The following ANXA8 variants were observed in gnomAD, a reference collection of about 807,000 sequenced individuals.
The protein encoded by ANXA8 is VAC-beta.
In ANXA8, 9 loss-of-function variants were observed where a neutral mutation model predicts 26.8. The ratio of observed to expected loss-of-function variants is 0.34; its 90% CI spans 0.20 to 0.59. ANXA8 has a LOEUF of 0.59. Ranked by LOEUF, ANXA8 falls within the 20% of genes least tolerant of loss-of-function variation. ANXA8 has a pLI of 0.84. For missense variants in ANXA8, 83 were observed against 238.5 expected (o/e 0.35, Z 4.29); for synonymous variants, 39 against 94.8 (o/e 0.41, Z 3.42).
the ANXA8 span, among the ~76,000 whole-genome samples, chr10:47,672,998 A>G: frequency 1.3e-5 from 2 of 150,378 alleles, no homozygotes; most frequent in Admixed American, 6.6e-5. Context: ...TTGCTCTAGG[A>G]TGGAACAACG....
chr10:47,980,375 G>A, the ANXA8 span, among the ~76,000 whole-genome samples: 14 of 151,202 alleles, frequency 9.3e-5, no homozygotes, highest in South Asian at 4.2e-4. Flanking sequence ...AAAAGGAAGC[G>A]CAAACTAAGC....
the ANXA8 span, among the ~76,000 whole-genome samples, chr10:47,968,443 T>C: frequency 7.1e-6 from 1 of 140,266 alleles, no homozygotes; most frequent in African/African-American, 2.5e-5. Flanking sequence ...ACCTCCAAAA[T>C]TGCTTCCATC....
At chr10:47,744,428 G>T in the ANXA8 span, among the ~76,000 whole-genome samples, 1 of 83,332 alleles carries the variant, frequency 1.2e-5, no homozygotes, top group Non-Finnish European at 2.5e-5. Context: ...GGGGTTGGGG[G>T]GGAGGGGGGA....
At chr10:47,494,930 C>A in the ANXA8 span, among the ~76,000 whole-genome samples, 1 of 152,138 alleles carries the variant, frequency 6.6e-6, no homozygotes, top group African/African-American at 2.4e-5. Context: ...TCTAGAGGGA[C>A]AGGAAAGGTG....
chr10:47,644,725 C>G, the ANXA8 span, among the ~76,000 whole-genome samples: 2 of 151,256 alleles, frequency 1.3e-5, no homozygotes, highest in Non-Finnish European at 2.9e-5. Context: ...GCACAGACAT[C>G]TATATAGGTT....
At chr10:47,633,088 C>CT in the ANXA8 span, among the ~76,000 whole-genome samples, 2 of 148,594 alleles carry the variant, frequency 1.3e-5, no homozygotes, top group African/African-American at 5.2e-5. Flanking sequence ...GACTATCACC[C>CT]TAATAACTAG....
the ANXA8 span, among the ~76,000 whole-genome samples, chr10:47,896,993 C>T: frequency 4.4e-3 from 613 of 140,892 alleles, 2 homozygotes; most frequent in Non-Finnish European, 6.7e-3. Context: ...TTCAGTGGCG[C>T]GATCTCGGCT....
chr10:47,484,364 A>G (rs1336546084), upstream of ANXA8: 114 of 837,286 alleles, frequency 1.4e-4, 1 homozygote, highest in Non-Finnish European at 1.8e-4. Context: ...GATTACAGGC[A>G]TGAGCCACCG....
chr10:47,487,443 C>A (rs1840068133), upstream of ANXA8: 1 of 895,618 alleles, frequency 1.1e-6, no homozygotes, highest in African/African-American at 1.8e-5. Context: ...TAGTGATCCA[C>A]CTGCTGAACT....
chr10:47,644,104 G>A, the ANXA8 span, among the ~76,000 whole-genome samples: 15 of 131,002 alleles, frequency 1.1e-4, no homozygotes, highest in Non-Finnish European at 1.9e-4. Context: ...GTTAGCCACA[G>A]TTGACACTAC....
At chr10:47,701,388 C>G in the ANXA8 span, among the ~76,000 whole-genome samples, 2 of 151,914 alleles carry the variant, frequency 1.3e-5, no homozygotes, top group Middle Eastern at 3.4e-3. Context: ...GAAGCTACAT[C>G]TCCAACAATA....
At chr10:47,639,314 ATTTTTTT>A in the ANXA8 span, among the ~76,000 whole-genome samples, 1 of 75,344 alleles carries the variant, frequency 1.3e-5, no homozygotes, top group African/African-American at 5.3e-5. Context: ...TATTATTATT[ATTTTTTT>A]TTTTTTTTTG....
At chr10:47,939,361 T>C in the ANXA8 span, among the ~76,000 whole-genome samples, 1 of 141,972 alleles carries the variant, frequency 7.0e-6, no homozygotes, top group Non-Finnish European at 1.5e-5. Flanking sequence ...ATTTGGGTCC[T>C]TGCAATACTT....
the ANXA8 span, among the ~76,000 whole-genome samples, chr10:47,519,088 A>G: frequency 1.7e-3 from 231 of 135,790 alleles, 2 homozygotes; most frequent in African/African-American, 6.0e-3. Context: ...AGTGGGAGGC[A>G]TTTGGGTAAT....
chr10:47,626,923 G>A, the ANXA8 span, among the ~76,000 whole-genome samples: 2 of 149,686 alleles, frequency 1.3e-5, no homozygotes, highest in Admixed American at 1.3e-4. Flanking sequence ...AAATTGGAAG[G>A]GGGTATGTTT....
the ANXA8 span, among the ~76,000 whole-genome samples, chr10:47,736,737 A>C: frequency 6.9e-6 from 1 of 144,450 alleles, no homozygotes; most frequent in African/African-American, 2.6e-5. Flanking sequence ...TCACTGCAAC[A>C]TCTGCCTCCT....
the ANXA8 span, among the ~76,000 whole-genome samples, chr10:47,989,726 T>A: frequency 1.1e-5 from 1 of 94,268 alleles, no homozygotes; most frequent in African/African-American, 3.2e-5. Context: ...ACAGGGGAGC[T>A]GCCACGCCTT....
At chr10:47,755,555 CTT>C in the ANXA8 span, among the ~76,000 whole-genome samples, 74 of 82,960 alleles carry the variant, frequency 8.9e-4, no homozygotes, top group African/African-American at 3.1e-3. Context: ...GTGCCCGGCC[CTT>C]TTTTTTTTTT....
the ANXA8 span, among the ~76,000 whole-genome samples, chr10:47,514,377 A>C: frequency 6.8e-6 from 1 of 147,582 alleles, no homozygotes; most frequent in Non-Finnish European, 1.5e-5. Context: ...GGAAAACCAA[A>C]TATCATGTTC....
Sources: gnomAD v4.1 joint callset for allele counts (sites outside exome capture counted in the v4.1 genomes callset) on GRCh38, gnomAD v4.1.1 for gene constraint, MANE v1.5 for transcripts, NCBI Gene and HGNC (gene_info 2026-07-23, HGNC 2026-07-21) for gene names.